Variants in FARSB observed in about 807,000 individuals in gnomAD.
The protein encoded by FARSB is phenylalanine--tRNA ligase beta subunit.
A neutral mutation model predicts 69.6 loss-of-function variants in FARSB; 40 were observed. The ratio of observed to expected loss-of-function variants is 0.57; its 90% CI spans 0.45 to 0.75. The LOEUF is 0.75. FARSB is among the 30% of genes least tolerant of loss of function. The probability of loss-of-function intolerance (pLI) is 0.00; values close to 1 mark genes in which losing one functional copy is unlikely to be tolerated. For missense variants in FARSB, 632 were observed against 722.9 expected (o/e 0.87, Z 1.44); for synonymous variants, 235 against 247.2 (o/e 0.95, Z 0.46).
At chr2:222,613,083 G>T (rs1690899879) in intron 15 of FARSB, among the ~76,000 whole-genome samples, 1 of 152,080 alleles carries the variant, frequency 6.6e-6, no homozygotes, top group Non-Finnish European at 1.5e-5. Flanking sequence ...GTCAAGTTGA[G>T]GTTTTAACAG....
intron 16 of FARSB, among the ~76,000 whole-genome samples, chr2:222,585,001 C>T (rs560426417): frequency 1.1e-4 from 16 of 152,280 alleles, no homozygotes; most frequent in African/African-American, 3.8e-4. Flanking sequence ...AGTGGTTCTC[C>T]CAGCACAGAG....
chr2:222,629,012 G>T (rs150697372), intron 9 of FARSB, 124 bp from the exon 10 acceptor site: 5 of 695,442 alleles, frequency 7.2e-6, no homozygotes, highest in Non-Finnish European at 1.3e-5. Flanking sequence ...TCCATCTATC[G>T]CATTCCAGCA....
intron 15 of FARSB, among the ~76,000 whole-genome samples, chr2:222,603,631 G>T (rs1690621276): frequency 6.7e-6 from 1 of 148,228 alleles, no homozygotes. Context: ...AAACTAATTG[G>T]CTGGAGCTAA....
intron 15 of FARSB, among the ~76,000 whole-genome samples, chr2:222,611,368 T>A (rs2106207802): frequency 6.6e-6 from 1 of 150,900 alleles, no homozygotes; most frequent in South Asian, 2.1e-4. Context: ...ATCTAAAAGA[T>A]ATATGAACTG....
intron 16 of FARSB, among the ~76,000 whole-genome samples, chr2:222,577,468 G>T (rs918884607): frequency 6.6e-6 from 1 of 152,154 alleles, no homozygotes; most frequent in African/African-American, 2.4e-5. Context: ...TAAAGTGAAG[G>T]CAACTGGATG....
intron 13 of FARSB, among the ~76,000 whole-genome samples, chr2:222,620,553 CTAA>C (rs1691110570): frequency 6.6e-6 from 1 of 152,158 alleles, no homozygotes; most frequent in African/African-American, 2.4e-5. Context: ...TACATCAAGT[CTAA>C]TAATAAATGA....
chr2:222,619,409 A>G (rs1216922691), intron 14 of FARSB, among the ~76,000 whole-genome samples: 1 of 152,180 alleles, frequency 6.6e-6, no homozygotes, highest in African/African-American at 2.4e-5. Flanking sequence ...TGGGCCAGAT[A>G]ATACAAAGCA....
rs1336157427 is a variant in FARSB, at chr2:222,600,029, G to A, written c.1517C>T (p.Pro506Leu). ...HLCAVYYNKN[P>L]GFEIIHGLLD... ...CAGCCCATGAATGATCTCAAACCCA[G>A]GATTCTTGTTGTAATAAACAGCACA... Residue 506 changes from proline to leucine, a missense_variant, in exon 16 of 17, where the codon CCT becomes CTT. Transcript: ENST00000281828. The A allele has an allele frequency of 1.2e-6, 2 of 1,610,788 alleles. No individual in the cohort carries two copies. The highest frequency in any genetic ancestry group is 1.7e-6 in the Non-Finnish European group (2 of 1,179,236).
In FARSB at chr2:222,624,388, G is replaced by C. The variant is rs150407941; in HGVS notation, c.1054C>G (p.Pro352Ala). The C allele has an allele frequency of 1.2e-6, 2 of 1,609,632 alleles. No individual in the cohort carries two copies. Among genetic ancestry groups the C allele is most frequent in the African/African-American group, 2.7e-5 (2 of 74,792 alleles). ...GDGNQIEIEI[P>A]PTRADIIHAC... ...TGGATAATGTCAGCTCTGGTTGGAG[G>C]GATTTCAATCTCAATCTGATTCCCA... Residue 352 changes from proline to alanine, a missense_variant, in exon 12 of 17, where the codon CCT (proline) becomes GCT (alanine). Physicochemically the swap from Pro to Ala is conservative, Grantham distance 27. Coordinates refer to ENST00000281828, the MANE Select transcript of FARSB (RefSeq NM_005687.5).
chr2:222,605,185 C>CTCTCTCTCTT (rs1308996188), intron 15 of FARSB, among the ~76,000 whole-genome samples: 1 of 151,900 alleles, frequency 6.6e-6, no homozygotes, highest in Non-Finnish European at 1.5e-5. Flanking sequence ...CTCTCTCTCT[C>CTCTCTCTCTT]TCTCTCTCTG....
chr2:222,590,296 A>T (rs888081049), intron 16 of FARSB, among the ~76,000 whole-genome samples: 10 of 151,906 alleles, frequency 6.6e-5, no homozygotes, highest in Admixed American at 5.2e-4. Context: ...GTTCTCACTC[A>T]TAGGTAGGAA....
At chr2:222,616,277 G>A (rs973874272) in intron 14 of FARSB, among the ~76,000 whole-genome samples, 3 of 152,012 alleles carry the variant, frequency 2.0e-5, no homozygotes, top group African/African-American at 7.2e-5. Context: ...ATTTGAATCC[G>A]AACTCAAACT....
At chr2:222,579,914 G>A (rs142711121) in intron 16 of FARSB, among the ~76,000 whole-genome samples, 104 of 152,296 alleles carry the variant, frequency 6.8e-4, no homozygotes, top group African/African-American at 2.4e-3. Flanking sequence ...ACTCTAGGGT[G>A]TTGATGGGAC....
At chr2:222,635,489 A>G (rs1010670125) in intron 5 of FARSB, among the ~76,000 whole-genome samples, 4 of 152,252 alleles carry the variant, frequency 2.6e-5, no homozygotes, top group African/African-American at 9.6e-5. Flanking sequence ...TTACTCAATT[A>G]GTCATATGCT....
At chr2:222,582,162 A>C (rs1213393534) in intron 16 of FARSB, among the ~76,000 whole-genome samples, 3 of 152,246 alleles carry the variant, frequency 2.0e-5, no homozygotes, top group Admixed American at 6.5e-5. Context: ...AAAGATTGGA[A>C]ACAACTCAAT....
intron 13 of FARSB, 63 bp from the exon 14 acceptor site, chr2:222,619,800 G>A: frequency 1.1e-6 from 1 of 895,122 alleles, no homozygotes; most frequent in South Asian, 1.4e-5. Flanking sequence ...AAAATAAAAA[G>A]TAATGCTGTA....
intron 15 of FARSB, among the ~76,000 whole-genome samples, chr2:222,601,494 T>C (rs1487843030): frequency 2.6e-5 from 4 of 151,824 alleles, no homozygotes; most frequent in African/African-American, 9.7e-5. Flanking sequence ...AAAAACCCCA[T>C]GAACAGAGAA....
rs554066865 is a variant in FARSB at position 222,629,431 on chromosome 2, G to A, written c.849-543C>T. Among the ~76,000 whole-genome samples the A allele has an allele frequency of 2.5e-3, 380 of 152,182 alleles. 2 individuals carry two copies. Among genetic ancestry groups the A allele is most frequent in the Middle Eastern group, 0.017 (5 of 292 alleles). On this transcript the variant is annotated intron_variant, in intron 9 of 16. Coordinates refer to ENST00000281828, the MANE Select transcript of FARSB (RefSeq NM_005687.5). ...AAAAATACAGTAATCTTACCGACAT[G>A]GGATACATGCTTTGCTCTTATATAT...
chr2:222,630,098 G>A lies in FARSB; in HGVS notation c.848+15C>T. 1.3e-6 allele frequency: 2 copies of A among 1,484,186 alleles called. No individual in the cohort carries two copies. The highest frequency in any genetic ancestry group is 2.4e-5 in the South Asian group (2 of 81,922). The allele number at this position is 1,484,186 out of a possible 1,614,324, so 91.9% of individuals were successfully genotyped here. On this transcript the variant is annotated intron_variant, in intron 9 of 16. Coordinates refer to ENST00000281828, the MANE Select transcript of FARSB (RefSeq NM_005687.5). Reference sequence around the variant, plus strand: ...AGAACAATGGGCCATCAATAAAGGTGCTGGATGAACTTACGTAAATTGATT... The same window carrying A: ...AGAACAATGGGCCATCAATAAAGGTACTGGATGAACTTACGTAAATTGATT...
Sources: allele counts gnomAD v4.1 joint callset (sites outside exome capture counted in the v4.1 genomes callset), GRCh38; gene constraint gnomAD v4.1.1; transcripts MANE v1.5; gene names NCBI Gene and HGNC (gene_info 2026-07-23, HGNC 2026-07-21).